MAPK10: variants seen among roughly 807,000 people sequenced by gnomAD.
MAPK10 encodes the protein mitogen-activated protein kinase 10.
A neutral mutation model predicts 59.3 loss-of-function variants in MAPK10; 25 were observed. The observed-to-expected ratio is 0.42, with a 90% CI of 0.31 to 0.59. MAPK10 has a LOEUF of 0.59. MAPK10 is among the 20% of genes least tolerant of loss of function. MAPK10 has a pLI of 0.15. For missense variants in MAPK10, 351 were observed against 568.9 expected (o/e 0.62, Z 3.90); for synonymous variants, 190 against 200.5 (o/e 0.95, Z 0.44).
chr4:86,112,468 T>C (rs2057648340), intron 4 of MAPK10, among the ~76,000 whole-genome samples: 1 of 152,168 alleles, frequency 6.6e-6, no homozygotes, highest in African/African-American at 2.4e-5. Flanking sequence ...AATTTCATTA[T>C]TTACCCAGGA....
chr4:86,117,287 G>A (rs535044840), intron 4 of MAPK10, among the ~76,000 whole-genome samples: 9 of 152,248 alleles, frequency 5.9e-5, no homozygotes, highest in Admixed American at 2.0e-4. Context: ...TATATACGCT[G>A]TAGCCATACA....
intron 1 of MAPK10, among the ~76,000 whole-genome samples, chr4:86,460,174 G>A (rs1017599977): frequency 1.3e-5 from 2 of 152,144 alleles, no homozygotes; most frequent in Non-Finnish European, 2.9e-5. Flanking sequence ...CCCTCAATTA[G>A]CAACACATAG....
intron 1 of MAPK10, among the ~76,000 whole-genome samples, chr4:86,558,772 G>A (rs1284507119): frequency 6.6e-6 from 1 of 151,824 alleles, no homozygotes; most frequent in Non-Finnish European, 1.5e-5. Flanking sequence ...TAAATGTACA[G>A]GTTGGTACCC....
intron 1 of MAPK10, among the ~76,000 whole-genome samples, chr4:86,512,882 A>C (rs567701140): frequency 6.6e-6 from 1 of 152,308 alleles, no homozygotes; most frequent in Middle Eastern, 3.4e-3. Context: ...TAAGAAGTTA[A>C]TGTCTTCATT....
At chr4:86,206,856 G>A (rs1331856366) in intron 2 of MAPK10, among the ~76,000 whole-genome samples, 1 of 152,298 alleles carries the variant, frequency 6.6e-6, no homozygotes, top group South Asian at 2.1e-4. Context: ...TTTGAGAAGT[G>A]TCTGTTCATA....
intron 1 of MAPK10, among the ~76,000 whole-genome samples, chr4:86,516,598 C>T (rs1025842287): frequency 1.3e-5 from 2 of 151,966 alleles, no homozygotes; most frequent in Middle Eastern, 3.4e-3. Context: ...GATCTTTCAC[C>T]TCTTTTGTTA....
In MAPK10 at chr4:86,273,679, C is replaced by T. The variant is rs72865378; in HGVS notation, c.-6-79272G>A. ...GTAGGCACAATTTTTGATTTGTCTA[C>T]TGTGCCATTGTTTTTCATTAATACC... is the stretch of plus-strand genomic sequence containing the variant. On this transcript the variant is annotated intron_variant, in intron 2 of 13. Transcript: ENST00000641462. Among the ~76,000 whole-genome samples, 262 of 152,152 alleles carry T rather than the reference C, an allele frequency of 1.7e-3. 1 individual carries two copies. The highest frequency in any genetic ancestry group is 0.01 in the Middle Eastern group (3 of 294).
At chr4:86,276,611 T>C (rs2094584831) in intron 2 of MAPK10, among the ~76,000 whole-genome samples, 2 of 152,122 alleles carry the variant, frequency 1.3e-5, no homozygotes, top group Non-Finnish European at 1.5e-5. Context: ...TTCTCCTTCC[T>C]TGCCCACCCA....
At chr4:86,240,350 G>C (rs572233577) in intron 2 of MAPK10, among the ~76,000 whole-genome samples, 3 of 152,324 alleles carry the variant, frequency 2.0e-5, no homozygotes, top group Admixed American at 2.0e-4. Context: ...GAGCTCTGTA[G>C]ATATCTACTA....
At chr4:86,468,326 CCCCTATTGCAATAGT>C (rs1334235444) in intron 1 of MAPK10, among the ~76,000 whole-genome samples, 2 of 152,174 alleles carry the variant, frequency 1.3e-5, no homozygotes, top group Admixed American at 6.5e-5. Context: ...AGTCCCCCTC[CCCCTATTGCAATAGT>C]CCCTTTGACC....
intron 1 of MAPK10, among the ~76,000 whole-genome samples, chr4:86,378,639 A>T (rs1027588247): frequency 6.6e-6 from 1 of 152,240 alleles, no homozygotes; most frequent in Non-Finnish European, 1.5e-5. Flanking sequence ...AAATTTGGTG[A>T]ATGATTGAAT....
chr4:86,216,248 A>C (rs1189004876), intron 2 of MAPK10, among the ~76,000 whole-genome samples: 1 of 148,604 alleles, frequency 6.7e-6, no homozygotes, highest in Non-Finnish European at 1.5e-5. Context: ...ACAGATTAGC[A>C]AAATGTGCTA....
chr4:86,143,385 A>G (rs2149185604), intron 4 of MAPK10, among the ~76,000 whole-genome samples: 1 of 152,292 alleles, frequency 6.6e-6, no homozygotes, highest in Non-Finnish European at 1.5e-5. Flanking sequence ...TTCTCTTTCC[A>G]TAAACTGGAA....
chr4:86,089,321 A>T, intron 9 of MAPK10: 1 of 1,324,650 alleles, frequency 7.5e-7, no homozygotes, highest in Non-Finnish European at 1.1e-6. Context: ...ACACAGGAAT[A>T]GAACAACAAA....
At chr4:86,579,209 C>T (rs879249078) in intron 1 of MAPK10, among the ~76,000 whole-genome samples, 9 of 152,260 alleles carry the variant, frequency 5.9e-5, no homozygotes, top group Admixed American at 5.2e-4. Context: ...ACTCCTTAGC[C>T]TCAGAGAAAA....
At chr4:86,498,971 A>C (rs1418152697) in intron 1 of MAPK10, among the ~76,000 whole-genome samples, 1 of 152,206 alleles carries the variant, frequency 6.6e-6, no homozygotes, top group African/African-American at 2.4e-5. Context: ...CTCTTCTTAA[A>C]GCTCACCTGA....
chr4:86,029,996 G>A (rs1042697883), intron 12 of MAPK10, among the ~76,000 whole-genome samples: 13 of 152,046 alleles, frequency 8.6e-5, no homozygotes, highest in East Asian at 1.9e-4. Context: ...AAATCATTCC[G>A]CCCTACTCAT....
chr4:86,366,564 G>T lies in MAPK10; in HGVS notation c.-121-11920C>A, dbSNP rs570809426. 6.6e-5 allele frequency among the ~76,000 whole-genome samples: 10 copies of T among 152,216 alleles called. 1 individual carries two copies. In the East Asian group the frequency reaches 1.9e-3, roughly 29 times the overall value. On this transcript the variant is annotated intron_variant, in intron 1 of 13. Transcript: ENST00000361569. Reference sequence around the variant, plus strand: ...AGCCACAGCAATAGGAAAGGCCAGAGTCACCAGGATGTTAAGAGACCTAAC... The same window carrying T: ...AGCCACAGCAATAGGAAAGGCCAGATTCACCAGGATGTTAAGAGACCTAAC...
At chr4:86,163,992 A>G (rs186065346) in intron 3 of MAPK10, among the ~76,000 whole-genome samples, 3 of 152,228 alleles carry the variant, frequency 2.0e-5, no homozygotes, top group Admixed American at 2.0e-4. Context: ...TTAATAGCCT[A>G]TATTTCAGAA....
Sources: gnomAD v4.1 joint callset for allele counts (sites outside exome capture counted in the v4.1 genomes callset) on GRCh38, gnomAD v4.1.1 for gene constraint, MANE v1.5 for transcripts, NCBI Gene and HGNC (gene_info 2026-07-23, HGNC 2026-07-21) for gene names.